GRM5: variants seen among roughly 807,000 people sequenced by gnomAD.
GRM5 encodes metabotropic glutamate receptor 5.
GRM5 carries 19 observed loss-of-function variants against 83.1 expected under a neutral mutation model. The ratio of observed to expected loss-of-function variants is 0.23; its 90% CI spans 0.16 to 0.34. The LOEUF (loss-of-function observed/expected upper bound fraction) is 0.34, where lower values mean the gene tolerates loss of function less well. GRM5 is among the 10% of genes least tolerant of loss of function. GRM5 has a pLI of 1.00. For missense variants in GRM5, 1,160 were observed against 1,588.3 expected (o/e 0.73, Z 4.58); for synonymous variants, 675 against 633.6 (o/e 1.07, Z -0.98).
At chr11:88,961,397 C>T (rs191661613) in intron 2 of GRM5, among the ~76,000 whole-genome samples, 17 of 151,368 alleles carry the variant, frequency 1.1e-4, no homozygotes, top group East Asian at 3.9e-4. Flanking sequence ...AAAACACTGG[C>T]GAACCCAAAG....
chr11:89,035,745 A>G (rs1180062994), intron 2 of GRM5, among the ~76,000 whole-genome samples: 2 of 152,066 alleles, frequency 1.3e-5, no homozygotes, highest in Non-Finnish European at 2.9e-5. Flanking sequence ...CACTTCATAA[A>G]TAAGTTATAT....
At chr11:88,666,396 G>C (rs1263982320) in intron 3 of GRM5, among the ~76,000 whole-genome samples, 4 of 152,142 alleles carry the variant, frequency 2.6e-5, no homozygotes, top group Admixed American at 2.6e-4. Context: ...AACTTGAGAG[G>C]TGTTCTGACT....
chr11:88,979,293 G>A (rs1188244468), intron 2 of GRM5, among the ~76,000 whole-genome samples: 2 of 152,094 alleles, frequency 1.3e-5, no homozygotes, highest in Admixed American at 6.5e-5. Context: ...ATTTCATAAC[G>A]CCGGGAGGGT....
Position 88,797,290 on chromosome 11 carries a change from C to A in GRM5, c.911+52616G>T, listed in dbSNP as rs1308286766. 2.6e-5 allele frequency among the ~76,000 whole-genome samples: 4 copies of A among 152,108 alleles called. No homozygotes were observed. The East Asian group carries it at 5.8e-4, about 22-fold the overall frequency. On this transcript the variant is annotated intron_variant, in intron 3 of 9. Transcript: ENST00000305447. ...TCAGCCTCCCAAGTAGCTGGGTTTA[C>A]AGGCATGCACCACCACGCTCCGCTA... is the stretch of plus-strand genomic sequence containing the variant.
chr11:88,811,143 G>A (rs993214928), intron 3 of GRM5, among the ~76,000 whole-genome samples: 4 of 151,900 alleles, frequency 2.6e-5, no homozygotes, highest in African/African-American at 9.7e-5. Context: ...TAACAACACT[G>A]GGGGGTGGAT....
chr11:88,947,164 C>G (rs1938307759), intron 2 of GRM5, among the ~76,000 whole-genome samples: 1 of 152,042 alleles, frequency 6.6e-6, no homozygotes. Flanking sequence ...AAAAGATTCC[C>G]TTTTACTGTA....
intron 2 of GRM5, among the ~76,000 whole-genome samples, chr11:89,044,661 A>G (rs1224674718): frequency 6.6e-6 from 1 of 152,172 alleles, no homozygotes; most frequent in East Asian, 1.9e-4. Flanking sequence ...TCTTCAAGAA[A>G]GAGAATATTG....
chr11:88,840,199 T>C (rs11021549), intron 3 of GRM5, among the ~76,000 whole-genome samples: 3,931 of 152,268 alleles, frequency 0.026, 178 homozygotes, highest in African/African-American at 0.09. Flanking sequence ...CCAATCCTTC[T>C]TCCACTGTTA....
At chr11:89,023,029 C>T (rs1185212796) in intron 2 of GRM5, among the ~76,000 whole-genome samples, 1 of 152,102 alleles carries the variant, frequency 6.6e-6, no homozygotes, top group Non-Finnish European at 1.5e-5. Flanking sequence ...AATTTTCATG[C>T]ACGTTTCCAG....
Position 89,055,514 on chromosome 11 carries a change from G to A in GRM5, c.-200-7442C>T, listed in dbSNP as rs368576445. On this transcript the variant is annotated intron_variant, in intron 1 of 9. Transcript: ENST00000305447. ...GAAAATAGCATCACAAAACTAGAGA[G>A]GGCCCTGGAGATGATTCCATTTAAC... Among the ~76,000 whole-genome samples, 4 of 152,100 alleles carry A rather than the reference G, an allele frequency of 2.6e-5. No homozygotes were observed. The East Asian group carries it at 7.7e-4, about 29-fold the overall frequency.
intron 2 of GRM5, among the ~76,000 whole-genome samples, chr11:88,977,616 G>T (rs1190263776): frequency 6.6e-6 from 1 of 152,204 alleles, no homozygotes; most frequent in Non-Finnish European, 1.5e-5. Flanking sequence ...AATATTTGAA[G>T]TGGTGTCATA....
chr11:88,552,617 G>A (rs1353487287), intron 8 of GRM5, among the ~76,000 whole-genome samples: 4 of 152,066 alleles, frequency 2.6e-5, no homozygotes, highest in Admixed American at 2.6e-4. Context: ...CCACCTACTG[G>A]CCAGGAAAGG....
chr11:88,760,481 T>C (rs80229854), intron 3 of GRM5, among the ~76,000 whole-genome samples: 4,686 of 152,042 alleles, frequency 0.031, 234 homozygotes, highest in African/African-American at 0.11. Context: ...AATTCTTGGA[T>C]ACATGTACTC....
At chr11:88,703,433 A>G (rs974863911) in intron 3 of GRM5, among the ~76,000 whole-genome samples, 3 of 152,078 alleles carry the variant, frequency 2.0e-5, no homozygotes, top group South Asian at 2.1e-4. Context: ...TTTGTCCCCA[A>G]TCTGTGATCA....
intron 1 of GRM5, among the ~76,000 whole-genome samples, chr11:89,064,888 C>CTCTCTCTCTCTCTG (rs1218318990): frequency 9.6e-5 from 6 of 62,268 alleles, no homozygotes; most frequent in African/African-American, 3.4e-4. Context: ...CTCTCTCTCT[C>CTCTCTCTCTCTCTG]TGTGTGTGTG....
At chr11:88,543,674 CATT>C (rs1312276855) in intron 8 of GRM5, among the ~76,000 whole-genome samples, 4 of 143,706 alleles carry the variant, frequency 2.8e-5, no homozygotes, top group East Asian at 4.0e-4. Flanking sequence ...CCTCTCTCAT[CATT>C]ATTTCCCTTT....
intron 2 of GRM5, among the ~76,000 whole-genome samples, chr11:88,938,476 T>C (rs1264053406): frequency 1.3e-4 from 19 of 151,614 alleles, no homozygotes; most frequent in Middle Eastern, 3.4e-3. Flanking sequence ...ATTGGGTCTG[T>C]ATTTAGTGTT....
At chr11:88,997,509 T>TA (rs1203052082) in intron 2 of GRM5, among the ~76,000 whole-genome samples, 6 of 151,616 alleles carry the variant, frequency 4.0e-5, no homozygotes, top group Non-Finnish European at 8.8e-5. Flanking sequence ...TTACTTCATT[T>TA]AAAAAAATCA....
chr11:88,572,902 A>G (rs11020483), intron 7 of GRM5, among the ~76,000 whole-genome samples: 8,079 of 152,186 alleles, frequency 0.053, 683 homozygotes, highest in African/African-American at 0.18. Flanking sequence ...ATATGTTATT[A>G]TATTTTAAAT....
Sources: gnomAD v4.1 joint callset for allele counts (sites outside exome capture counted in the v4.1 genomes callset) on GRCh38, gnomAD v4.1.1 for gene constraint, MANE v1.5 for transcripts, NCBI Gene and HGNC (gene_info 2026-07-23, HGNC 2026-07-21) for gene names.